The following SH3GL2 variants were observed in gnomAD, a reference collection of about 807,000 sequenced individuals.
SH3GL2 encodes endophilin-A1.
In SH3GL2, 24 loss-of-function variants were observed where a neutral mutation model predicts 46.0. That is an observed-to-expected ratio of 0.52 (90% CI 0.38 to 0.73). SH3GL2 has a LOEUF of 0.73. SH3GL2 is among the 30% of genes least tolerant of loss of function. The probability of loss-of-function intolerance (pLI) is 0.00; values close to 1 mark genes in which losing one functional copy is unlikely to be tolerated. For synonymous variants in SH3GL2, 196 were observed against 147.1 expected (o/e 1.33, Z -2.40); for missense variants, 413 against 424.2 (o/e 0.97, Z 0.23).
intron 1 of SH3GL2, among the ~76,000 whole-genome samples, chr9:17,712,313 T>G (rs931906013): frequency 1.3e-5 from 2 of 151,866 alleles, no homozygotes; most frequent in Admixed American, 6.6e-5. Flanking sequence ...TTAATTTTGA[T>G]AAAAATCTAG....
At chr9:17,598,786 G>A (rs1302789533) in intron 1 of SH3GL2, among the ~76,000 whole-genome samples, 4 of 152,144 alleles carry the variant, frequency 2.6e-5, no homozygotes, top group Non-Finnish European at 5.9e-5. Flanking sequence ...AGTTTCTGCT[G>A]ATCTCTTGGG....
chr9:17,659,937 TC>T (rs889985126), intron 1 of SH3GL2, among the ~76,000 whole-genome samples: 2 of 152,206 alleles, frequency 1.3e-5, no homozygotes, highest in Admixed American at 1.3e-4. Context: ...GAGATTACTT[TC>T]CCCAGTCTGT....
chr9:17,716,681 C>G (rs1008342347), intron 1 of SH3GL2, among the ~76,000 whole-genome samples: 3 of 152,166 alleles, frequency 2.0e-5, no homozygotes, highest in African/African-American at 7.2e-5. Context: ...CTTGGGTTCT[C>G]TCTCAGTGCA....
At position 17,795,714 on chromosome 9, in the gene SH3GL2, G is replaced by GTGGAAATTCTGGT. The variant is rs1824256797; in HGVS notation, c.1033_1045dup (p.Ala349GlyfsTer20). The GTGGAAATTCTGGT allele has an allele frequency of 6.2e-7, 1 of 1,613,856 alleles. No individual in the cohort carries two copies. Among genetic ancestry groups the GTGGAAATTCTGGT allele is most frequent in the Non-Finnish European group, 8.5e-7 (1 of 1,179,934 alleles). Reference sequence around the variant, plus strand: ...TTCAGGCTTCTTCCCCATCAATTATGTGGAAATTCTGGTTGCCCTGCCCCA... The same window carrying GTGGAAATTCTGGT: ...TTCAGGCTTCTTCCCCATCAATTATGTGGAAATTCTGGTTGGAAATTCTGGTTGCCCTGCCCCA... On this transcript the variant is annotated frameshift_variant, in exon 9 of 9. Transcript: ENST00000380607. LOFTEE classifies it high-confidence loss of function.
intron 1 of SH3GL2, among the ~76,000 whole-genome samples, chr9:17,684,857 A>C (rs1308610824): frequency 1.3e-5 from 2 of 152,108 alleles, no homozygotes; most frequent in Non-Finnish European, 2.9e-5. Flanking sequence ...AAAGAAAGCA[A>C]ATATAAGTGA....
chr9:17,604,910 G>A (rs545495195), intron 1 of SH3GL2, among the ~76,000 whole-genome samples: 23 of 152,024 alleles, frequency 1.5e-4, no homozygotes, highest in Non-Finnish European at 2.4e-4. Flanking sequence ...AGTAGGTCGA[G>A]GACCTGCAGG....
At chr9:17,616,009 G>A (rs1050215278) in intron 1 of SH3GL2, among the ~76,000 whole-genome samples, 29 of 152,160 alleles carry the variant, frequency 1.9e-4, no homozygotes, top group African/African-American at 6.8e-4. Context: ...TCTGGGAATT[G>A]AGATTCAGAG....
At chr9:17,680,924 G>GTGTA (rs201631276) in intron 1 of SH3GL2, among the ~76,000 whole-genome samples, 2,245 of 152,126 alleles carry the variant, frequency 0.015, 56 homozygotes, top group African/African-American at 0.052. Context: ...TTCAGTTTCC[G>GTGTA]TGTAGTTGAG....
intron 1 of SH3GL2, among the ~76,000 whole-genome samples, chr9:17,727,877 C>G (rs1011431714): frequency 4.6e-5 from 7 of 152,068 alleles, no homozygotes; most frequent in African/African-American, 1.7e-4. Context: ...GAACCATCAC[C>G]CAGATAATCT....
chr9:17,732,509 C>T (rs1434378899), intron 1 of SH3GL2, among the ~76,000 whole-genome samples: 2 of 152,114 alleles, frequency 1.3e-5, no homozygotes, highest in Non-Finnish European at 2.9e-5. Flanking sequence ...ATCAAAATCA[C>T]TGCCTTGCAG....
intron 1 of SH3GL2, among the ~76,000 whole-genome samples, chr9:17,739,669 G>T (rs1822467637): frequency 6.6e-6 from 1 of 152,056 alleles, no homozygotes; most frequent in African/African-American, 2.4e-5. Flanking sequence ...TTTCTGTAAG[G>T]CAAAAACAGG....
At chr9:17,697,695 C>G (rs1821242862) in intron 1 of SH3GL2, among the ~76,000 whole-genome samples, 1 of 152,176 alleles carries the variant, frequency 6.6e-6, no homozygotes, top group Non-Finnish European at 1.5e-5. Context: ...GAAACCATAT[C>G]ATTGCCCCCC....
At chr9:17,623,237 A>G (rs1292205375) in intron 1 of SH3GL2, among the ~76,000 whole-genome samples, 1 of 151,982 alleles carries the variant, frequency 6.6e-6, no homozygotes, top group Non-Finnish European at 1.5e-5. Flanking sequence ...TCTGGTGTCT[A>G]AGGTCCCTAC....
intron 1 of SH3GL2, among the ~76,000 whole-genome samples, chr9:17,673,776 A>T (rs1229451656): frequency 6.6e-6 from 1 of 151,838 alleles, no homozygotes; most frequent in Non-Finnish European, 1.5e-5. Flanking sequence ...TTTCTTACTC[A>T]CCCTTGAGTC....
At chr9:17,652,095 A>G (rs1286823679) in intron 1 of SH3GL2, among the ~76,000 whole-genome samples, 1 of 151,946 alleles carries the variant, frequency 6.6e-6, no homozygotes, top group African/African-American at 2.4e-5. Flanking sequence ...TTCTGCTTTC[A>G]CATTTCTGGC....
chr9:17,621,827 G>A (rs1156865709), intron 1 of SH3GL2, among the ~76,000 whole-genome samples: 1 of 152,190 alleles, frequency 6.6e-6, no homozygotes, highest in Non-Finnish European at 1.5e-5. Context: ...TGATTTGGGA[G>A]CAAAACTAGG....
At chr9:17,774,367 A>C (rs986063234) in intron 3 of SH3GL2, among the ~76,000 whole-genome samples, 6 of 152,052 alleles carry the variant, frequency 3.9e-5, no homozygotes, top group Non-Finnish European at 8.8e-5. Flanking sequence ...CTCGTTACTG[A>C]TCTTAGAGTA....
intron 1 of SH3GL2, among the ~76,000 whole-genome samples, chr9:17,600,163 A>G (rs910472598): frequency 6.6e-6 from 1 of 152,230 alleles, no homozygotes; most frequent in Admixed American, 6.5e-5. Flanking sequence ...AAGCATTTTC[A>G]TTAAAATTAC....
intron 1 of SH3GL2, among the ~76,000 whole-genome samples, chr9:17,733,057 G>T (rs1822225811): frequency 6.6e-6 from 1 of 152,024 alleles, no homozygotes; most frequent in Non-Finnish European, 1.5e-5. Flanking sequence ...GCACAAGTGT[G>T]TACCCGTGGG....
Sources: gnomAD v4.1 joint callset for allele counts (sites outside exome capture counted in the v4.1 genomes callset) on GRCh38, gnomAD v4.1.1 for gene constraint, MANE v1.5 for transcripts, NCBI Gene and HGNC (gene_info 2026-07-23, HGNC 2026-07-21) for gene names.